ULK4: variants seen among roughly 807,000 people sequenced by gnomAD.
The protein encoded by ULK4 is unc-51 like kinase 4.
A neutral mutation model predicts 160.6 loss-of-function variants in ULK4; 133 were observed. That is an observed-to-expected ratio of 0.83 (90% CI 0.72 to 0.96). The LOEUF is 0.96. ULK4 is among the 40% of genes least tolerant of loss of function. The pLI, the probability that ULK4 is intolerant of heterozygous loss-of-function variation, is 0.00. For synonymous variants in ULK4, 534 were observed against 539.8 expected, an observed-to-expected ratio of 0.99 and a Z score of 0.15; for missense variants, 1,580 against 1,499.5, an observed-to-expected ratio of 1.05 and a Z score of -0.89.
intron 35 of ULK4, among the ~76,000 whole-genome samples, chr3:41,389,155 C>T (rs1461691056): frequency 6.6e-6 from 1 of 152,034 alleles, no homozygotes; most frequent in Non-Finnish European, 1.5e-5. Flanking sequence ...TGGGAGTTCA[C>T]TCATGATTTG....
intron 35 of ULK4, among the ~76,000 whole-genome samples, chr3:41,297,196 G>A (rs2079687056): frequency 6.6e-6 from 1 of 152,198 alleles, no homozygotes; most frequent in Non-Finnish European, 1.5e-5. Context: ...CTGTGCATCA[G>A]CATCATGGAG....
chr3:41,934,917 A>G (rs1699711166), intron 4 of ULK4, among the ~76,000 whole-genome samples: 1 of 152,128 alleles, frequency 6.6e-6, no homozygotes, highest in South Asian at 2.1e-4. Flanking sequence ...AGGTTAGTGC[A>G]TTAAGTAATT....
Position 41,246,902 on chromosome 3 carries a change from G to T in ULK4, c.*27C>A, listed in dbSNP as rs2078653434. ...TGCATCCGAGGGCTGGGGCCACAGG[G>T]CGGGCTTGTGCTAAGCACCTTCTTG... On this transcript the variant is annotated 3_prime_UTR_variant, in exon 37 of 37. Coordinates refer to ENST00000301831, the MANE Select transcript of ULK4 (RefSeq NM_017886.4). 1.9e-6 allele frequency: 3 copies of T among 1,611,128 alleles called. No individual in the cohort carries two copies. The highest frequency in any genetic ancestry group is 2.2e-5 in the South Asian group (2 of 90,224).
intron 33 of ULK4, 79 bp downstream of exon 33, chr3:41,463,008 A>C: frequency 6.8e-7 from 1 of 1,473,716 alleles, no homozygotes; most frequent in East Asian, 2.3e-5. Flanking sequence ...ACAATAGAGG[A>C]AGATAAGAAA....
At chr3:41,564,755 G>A (rs560713581) in intron 32 of ULK4, among the ~76,000 whole-genome samples, 144 of 151,934 alleles carry the variant, frequency 9.5e-4, no homozygotes, top group African/African-American at 2.8e-3. Context: ...CACTGCACCC[G>A]GCCATAAAAG....
At chr3:41,789,620 C>A (rs1335940236) in intron 21 of ULK4, 41 bp downstream of exon 21, 3 of 1,482,792 alleles carry the variant, frequency 2.0e-6, no homozygotes, top group African/African-American at 1.4e-5. Flanking sequence ...CAGAAGAAAA[C>A]AATTTTTAAT....
At chr3:41,273,488 C>T (rs1281322020) in intron 35 of ULK4, among the ~76,000 whole-genome samples, 1 of 152,178 alleles carries the variant, frequency 6.6e-6, no homozygotes, top group African/African-American at 2.4e-5. Context: ...TCAAGAGAAA[C>T]CATCCATACA....
intron 34 of ULK4, among the ~76,000 whole-genome samples, chr3:41,421,070 C>T (rs1031099505): frequency 7.3e-5 from 11 of 151,376 alleles, no homozygotes; most frequent in Non-Finnish European, 1.3e-4. Context: ...GCTGAGATCA[C>T]GCCACTGCAC....
intron 27 of ULK4, among the ~76,000 whole-genome samples, chr3:41,702,915 A>G (rs2036729880): frequency 6.8e-6 from 1 of 147,268 alleles, no homozygotes; most frequent in Non-Finnish European, 1.5e-5. Context: ...GTGCAGCAGC[A>G]CAACCTCAGC....
chr3:41,902,278 G>A (rs1698399057), intron 12 of ULK4, among the ~76,000 whole-genome samples: 1 of 151,970 alleles, frequency 6.6e-6, no homozygotes, highest in South Asian at 2.1e-4. Flanking sequence ...TCAGACAAAA[G>A]ACAAGAAAAC....
At chr3:41,390,289 TC>T (rs1265932818) in intron 35 of ULK4, among the ~76,000 whole-genome samples, 1 of 152,174 alleles carries the variant, frequency 6.6e-6, no homozygotes, top group Admixed American at 6.6e-5. Context: ...TTGCTAACAG[TC>T]AATTTTGTTG....
chr3:41,492,400 C>G (rs572239058), intron 32 of ULK4, among the ~76,000 whole-genome samples: 1 of 115,578 alleles, frequency 8.7e-6, no homozygotes, highest in Non-Finnish European at 1.9e-5. Flanking sequence ...TCTGTTGTTT[C>G]CTGCCCTAAA....
chr3:41,431,547 C>CATTTTTTTTTTTTTTTTTTTTTTTTTTT lies in ULK4; in HGVS notation c.3492+23949_3492+23950insAAAAAAAAAAAAAAAAAAAAAAAAAAAT, dbSNP rs563543377. 1.0e-4 allele frequency among the ~76,000 whole-genome samples: 10 copies of CATTTTTTTTTTTTTTTTTTTTTTTTTTT among 95,856 alleles called. 1 individual carries two copies. Among genetic ancestry groups the CATTTTTTTTTTTTTTTTTTTTTTTTTTT allele is most frequent in the African/African-American group, 4.2e-4 (10 of 23,654 alleles). The allele number at this position is 95,856 out of a possible 152,430, so 62.9% of individuals were successfully genotyped here. A position where few individuals can be genotyped will look rare whatever the true frequency, so the allele number is the denominator to read the frequency against. The stretch of plus-strand genomic sequence containing the variant: ...CCTGTGAGGTGTTGTAATTCCCTCC[C>CATTTTTTTTTTTTTTTTTTTTTTTTTTT]TTTTTTTTTTTTTTTGATGTGGAAA... On this transcript the variant is annotated intron_variant, in intron 34 of 36. Transcript: ENST00000301831.
At chr3:41,951,280 T>A (rs1374432761) in intron 2 of ULK4, among the ~76,000 whole-genome samples, 1 of 151,642 alleles carries the variant, frequency 6.6e-6, no homozygotes, top group Non-Finnish European at 1.5e-5. Flanking sequence ...AAGCAATGTA[T>A]GCATTCAATG....
intron 17 of ULK4, among the ~76,000 whole-genome samples, chr3:41,867,783 CA>C (rs1696949376): frequency 6.6e-6 from 1 of 152,240 alleles, no homozygotes. Flanking sequence ...TTCACTCTTA[CA>C]CCCAATTTAG....
intron 29 of ULK4, among the ~76,000 whole-genome samples, chr3:41,667,151 C>T (rs1258919793): frequency 2.0e-5 from 3 of 150,202 alleles, no homozygotes; most frequent in African/African-American, 7.3e-5. Flanking sequence ...AAGACTCTGT[C>T]TCTAAAAAAA....
At chr3:41,346,477 A>C (rs539491545) in intron 35 of ULK4, among the ~76,000 whole-genome samples, 1 of 152,240 alleles carries the variant, frequency 6.6e-6, no homozygotes, top group East Asian at 1.9e-4. Flanking sequence ...TGAGCTCGGC[A>C]CTGGCTCAGT....
intron 32 of ULK4, among the ~76,000 whole-genome samples, chr3:41,534,029 G>A (rs1306827776): frequency 6.6e-6 from 1 of 152,050 alleles, no homozygotes; most frequent in African/African-American, 2.4e-5. Context: ...AGATGGTCTC[G>A]ATCTCCTGAC....
intron 21 of ULK4, among the ~76,000 whole-genome samples, chr3:41,759,416 G>C (rs2038915094): frequency 6.6e-6 from 1 of 152,080 alleles, no homozygotes; most frequent in South Asian, 2.1e-4. Flanking sequence ...AAGAAGTATT[G>C]CTTTCACCCT....
Sources: allele counts gnomAD v4.1 joint callset (sites outside exome capture counted in the v4.1 genomes callset), GRCh38; gene constraint gnomAD v4.1.1; transcripts MANE v1.5; gene names NCBI Gene and HGNC (gene_info 2026-07-23, HGNC 2026-07-21).